The following HIVEP1 variants were observed in gnomAD, a reference collection of about 807,000 sequenced individuals.
The protein encoded by HIVEP1 is zinc finger protein 40.
In HIVEP1, 36 loss-of-function variants were observed where a neutral mutation model predicts 180.0. The observed-to-expected ratio is 0.20, with a 90% CI of 0.15 to 0.26. HIVEP1 has a LOEUF of 0.26. HIVEP1 is among the 10% of genes least tolerant of loss of function. The pLI, the probability that HIVEP1 is intolerant of heterozygous loss-of-function variation, is 1.00. For missense variants in HIVEP1, 3,143 were observed against 3,268.7 expected, an observed-to-expected ratio of 0.96 and a Z score of 0.94; for synonymous variants, 1,239 against 1,239.0, an observed-to-expected ratio of 1.00 and a Z score of 0.00.
At chr6:12,055,982 CT>C (rs1354441851) in intron 2 of HIVEP1, among the ~76,000 whole-genome samples, 1 of 152,110 alleles carries the variant, frequency 6.6e-6, no homozygotes. Flanking sequence ...TTATTTGCTC[CT>C]TTTATTTTAT....
upstream of HIVEP1, among the ~76,000 whole-genome samples, chr6:12,011,448 C>G (rs1402812022): frequency 2.3e-4 from 35 of 151,502 alleles, no homozygotes; most frequent in East Asian, 6.7e-3. Flanking sequence ...CCCAACTGAG[C>G]GACCCCGCCA....
At chr6:12,105,273 C>T (rs1774355146) in intron 3 of HIVEP1, among the ~76,000 whole-genome samples, 1 of 152,176 alleles carries the variant, frequency 6.6e-6, no homozygotes, top group South Asian at 2.1e-4. Flanking sequence ...TGAAAACATG[C>T]AGGTTTTAAT....
At chr6:12,140,319 C>T (rs894296756) in intron 7 of HIVEP1, among the ~76,000 whole-genome samples, 4 of 152,270 alleles carry the variant, frequency 2.6e-5, no homozygotes, top group Middle Eastern at 3.4e-3. Flanking sequence ...GCATCAACAT[C>T]AACAAAAAGA....
At chr6:12,159,753 A>T (rs1052384922) in intron 7 of HIVEP1, among the ~76,000 whole-genome samples, 2 of 152,232 alleles carry the variant, frequency 1.3e-5, no homozygotes, top group Non-Finnish European at 2.9e-5. Flanking sequence ...ATAATAGTAG[A>T]ACCCTAAAAG....
Position 12,161,662 on chromosome 6 carries a change from C to T in HIVEP1, c.6711C>T (p.Cys2237=), listed in dbSNP as rs200831545. 2.5e-6 allele frequency: 4 copies of T among 1,614,056 alleles called. No homozygotes were observed. The Admixed American group carries it at 6.7e-5, about 27-fold the overall frequency. Residue 2237 remains cysteine, a synonymous_variant, in exon 8 of 9, where the codon TGC becomes TGT. Coordinates refer to ENST00000379388, the MANE Select transcript of HIVEP1 (RefSeq NM_002114.4). ...STDEDVRITD[C]FSGVHTDPMD... is the part of the protein sequence containing the mutation. ...ACGAGGATGTCAGGATCACCGATTG[C>T]TTTTCTGGGGTACACACGGACCCAA... is the stretch of plus-strand genomic sequence containing the variant.
intron 2 of HIVEP1, among the ~76,000 whole-genome samples, chr6:12,059,530 G>A (rs183192501): frequency 8.9e-4 from 135 of 152,272 alleles, no homozygotes; most frequent in African/African-American, 2.6e-3. Flanking sequence ...TTCCTTTCAC[G>A]TTACTGTGTC....
At chr6:12,176,762 AT>A in the HIVEP1 span, among the ~76,000 whole-genome samples, 1 of 152,034 alleles carries the variant, frequency 6.6e-6, no homozygotes, top group Non-Finnish European at 1.5e-5. Flanking sequence ...GTTTGCAAAT[AT>A]TTTCTCTCAT....
intron 2 of HIVEP1, among the ~76,000 whole-genome samples, chr6:12,048,724 T>C (rs1303072771): frequency 6.6e-6 from 1 of 152,222 alleles, no homozygotes; most frequent in African/African-American, 2.4e-5. Context: ...CACATCAAAA[T>C]TATTCAATCT....
chr6:12,162,974 C>T (rs1160661638), intron 8 of HIVEP1, among the ~76,000 whole-genome samples: 1 of 152,128 alleles, frequency 6.6e-6, no homozygotes, highest in Non-Finnish European at 1.5e-5. Context: ...TAGCTGTGTC[C>T]ACTTCTCAGA....
At chr6:12,047,294 G>A (rs1308567525) in intron 2 of HIVEP1, among the ~76,000 whole-genome samples, 2 of 152,240 alleles carry the variant, frequency 1.3e-5, no homozygotes, top group Non-Finnish European at 2.9e-5. Flanking sequence ...CTAGTGTCAA[G>A]TGTAGCCCTT....
rs764813557 is a variant in HIVEP1 at position 12,121,769 on chromosome 6, G to C, written c.1974G>C (p.Gln658His). The change falls in exon 4 of 9, where the codon CAG (glutamine) becomes CAC (histidine). Residue 658 changes from glutamine (Q) to histidine (H), a missense_variant. By Grantham distance (24) the Gln-to-His change is conservative (BLOSUM62 0). Coordinates refer to ENST00000379388, the MANE Select transcript of HIVEP1 (RefSeq NM_002114.4). The surrounding 1 kb of genome is among the most constrained non-coding windows in gnomAD (Gnocchi z 5.3). ...AGGCTACCGATTACTCCCAAGAGCA[G>C]CAAGGAAAGCTCCTGAGTCCTCGAA... is the stretch of plus-strand genomic sequence containing the variant. ...RQQATDYSQE[Q>H]QGKLLSPRSL... 1.2e-6 allele frequency: 2 copies of C among 1,614,160 alleles called. No homozygotes were observed. The highest frequency in any genetic ancestry group is 8.5e-7 in the Non-Finnish European group (1 of 1,180,028).
intron 6 of HIVEP1, among the ~76,000 whole-genome samples, chr6:12,133,361 A>G (rs1283998865): frequency 6.6e-6 from 1 of 152,236 alleles, no homozygotes; most frequent in Non-Finnish European, 1.5e-5. Context: ...GAGTCAAGAA[A>G]CAAAACCTCT....
intron 2 of HIVEP1, among the ~76,000 whole-genome samples, chr6:12,029,364 C>T (rs779767691): frequency 1.3e-5 from 2 of 152,150 alleles, no homozygotes; most frequent in Admixed American, 1.3e-4. Context: ...AGCGTGTTGC[C>T]GCGATTGCTT....
chr6:12,047,675 G>C (rs1197705572), intron 2 of HIVEP1, among the ~76,000 whole-genome samples: 1 of 152,224 alleles, frequency 6.6e-6, no homozygotes, highest in Non-Finnish European at 1.5e-5. Flanking sequence ...CCCTCACTCT[G>C]CTTTTGGAGT....
intron 2 of HIVEP1, among the ~76,000 whole-genome samples, chr6:12,060,064 A>G (rs952971554): frequency 6.6e-6 from 1 of 152,172 alleles, no homozygotes; most frequent in Non-Finnish European, 1.5e-5. Flanking sequence ...TAAACCCACC[A>G]CGTTTATATT....
chr6:12,159,053 T>C (rs2113678224), intron 7 of HIVEP1, among the ~76,000 whole-genome samples: 1 of 151,066 alleles, frequency 6.6e-6, no homozygotes, highest in South Asian at 2.1e-4. Context: ...TGAGCGGGAC[T>C]CCCCTGACTG....
downstream of HIVEP1, among the ~76,000 whole-genome samples, chr6:12,167,789 A>G (rs1760766958): frequency 6.9e-6 from 1 of 144,608 alleles, no homozygotes; most frequent in Non-Finnish European, 1.5e-5. Context: ...GTGCGTATAT[A>G]ATATATACAC....
intron 8 of HIVEP1, among the ~76,000 whole-genome samples, chr6:12,162,448 C>G (rs749866526): frequency 6.6e-6 from 1 of 152,214 alleles, no homozygotes; most frequent in Non-Finnish European, 1.5e-5. Flanking sequence ...CTTGAATTAT[C>G]ACATTGCTAC....
In HIVEP1 at chr6:12,161,634, C is replaced by T. The variant is rs372943636; in HGVS notation, c.6683C>T (p.Thr2228Ile). The T allele has an allele frequency of 8.2e-5, 132 of 1,614,006 alleles. No homozygotes were observed. The highest frequency in any genetic ancestry group is 1.1e-4 in the Non-Finnish European group (126 of 1,180,012). Reference sequence around the variant, plus strand: ...AGTAGCCTTCAGGACCCTGTGAGTACTGACGAGGATGTCAGGATCACCGAT... The same window carrying T: ...AGTAGCCTTCAGGACCCTGTGAGTATTGACGAGGATGTCAGGATCACCGAT... The part of the protein sequence containing the change: ...SRSSLQDPVS[T>I]DEDVRITDCF... The change falls in exon 8 of 9, where the codon ACT becomes ATT. Residue 2228 changes from threonine to isoleucine, a missense_variant. Thr to Ile is a moderately conservative substitution (Grantham distance 89, BLOSUM62 -1). This residue lies in a region of HIVEP1 where 595 missense variants were observed against 602.2 expected (regional missense o/e 0.99). Coordinates refer to ENST00000379388, the MANE Select transcript of HIVEP1 (RefSeq NM_002114.4).
Sources: allele counts gnomAD v4.1 joint callset (sites outside exome capture counted in the v4.1 genomes callset), GRCh38; gene constraint gnomAD v4.1.1; regional missense constraint gnomAD v4.1.1; non-coding constraint Gnocchi (gnomAD v3.1); transcripts MANE v1.5; gene names NCBI Gene and HGNC (gene_info 2026-07-23, HGNC 2026-07-21).